Variants in DMRT1 observed in about 807,000 individuals in gnomAD.
DMRT1 encodes doublesex- and mab-3-related transcription factor 1.
Under a neutral mutation model 32.3 loss-of-function variants are expected in DMRT1, and 7 were observed. The observed-to-expected ratio is 0.22, with a 90% CI of 0.12 to 0.41. The LOEUF (loss-of-function observed/expected upper bound fraction) is 0.41, where lower values mean the gene tolerates loss of function less well. Ranked by LOEUF, DMRT1 falls within the 10% of genes least tolerant of loss-of-function variation. The pLI, the probability that DMRT1 is intolerant of heterozygous loss-of-function variation, is 1.00. For synonymous variants in DMRT1, 278 were observed against 206.1 expected (o/e 1.35, Z -2.99); for missense variants, 625 against 500.5 (o/e 1.25, Z -2.37).
chr9:946,262 G>GCCA (rs1487848285), intron 4 of DMRT1, among the ~76,000 whole-genome samples: 53 of 152,040 alleles, frequency 3.5e-4, no homozygotes, highest in African/African-American at 1.3e-3. Flanking sequence ...CCCCAAGACT[G>GCCA]GCTGCACCTG....
rs796845272 is a variant in DMRT1, at chr9:878,207, C to G, written c.539-15705C>G. Among the ~76,000 whole-genome samples, 28 of 125,936 alleles carry G rather than the reference C, an allele frequency of 2.2e-4. 2 individuals carry two copies. The highest frequency in any genetic ancestry group is 7.5e-4 in the African/African-American group (25 of 33,442). The allele number at this position is 125,936 out of a possible 152,430, so 82.6% of individuals were successfully genotyped here. A position where few individuals can be genotyped will look rare whatever the true frequency, so the allele number is the denominator to read the frequency against. On this transcript the variant is annotated intron_variant, in intron 2 of 4. Coordinates refer to ENST00000382276, the MANE Select transcript of DMRT1 (RefSeq NM_021951.3). ...CCTGGAACTGCAGCTGCTGCCCCCC[C>G]CCCACCCAATAAAAATGTCTGCCTG...
At chr9:872,283 G>C (rs1026936732) in intron 2 of DMRT1, among the ~76,000 whole-genome samples, 2 of 151,576 alleles carry the variant, frequency 1.3e-5, no homozygotes, top group African/African-American at 2.4e-5. Flanking sequence ...GGCTGGTCTC[G>C]AACTCCTGAC....
At chr9:906,711 G>C (rs890621763) in intron 3 of DMRT1, among the ~76,000 whole-genome samples, 1 of 152,128 alleles carries the variant, frequency 6.6e-6, no homozygotes, top group Admixed American at 6.5e-5. Context: ...CAAAAAAAAA[G>C]TTTATTTGCT....
Position 959,869 on chromosome 9 carries a change from T to C in DMRT1, c.968-8116T>C, listed in dbSNP as rs112849144. Among the ~76,000 whole-genome samples, 298 of 152,342 alleles carry C rather than the reference T, an allele frequency of 2.0e-3. 1 individual carries two copies. Among genetic ancestry groups the C allele is most frequent in the African/African-American group, 6.5e-3 (270 of 41,578 alleles). ...AGACTTGAGACTGTCTGCCAGTGCATGCATGGGTTAGTCCTGTTTTATGGT... is the reference window on the plus strand; with the variant it reads ...AGACTTGAGACTGTCTGCCAGTGCACGCATGGGTTAGTCCTGTTTTATGGT... On this transcript the variant is annotated intron_variant, in intron 4 of 4. Transcript: ENST00000382276.
intron 3 of DMRT1, among the ~76,000 whole-genome samples, chr9:899,683 G>T (rs540034863): frequency 6.6e-6 from 1 of 152,216 alleles, no homozygotes; most frequent in East Asian, 1.9e-4. Flanking sequence ...GCCTGCAAAA[G>T]CTGTTTATTG....
At chr9:878,059 C>G (rs1409406447) in intron 2 of DMRT1, among the ~76,000 whole-genome samples, 1 of 152,174 alleles carries the variant, frequency 6.6e-6, no homozygotes, top group African/African-American at 2.4e-5. Flanking sequence ...AATAATTATG[C>G]ATGGTAATGG....
intron 2 of DMRT1, among the ~76,000 whole-genome samples, chr9:886,262 G>GT (rs1358518006): frequency 7.9e-5 from 12 of 152,088 alleles, no homozygotes; most frequent in African/African-American, 2.9e-4. Flanking sequence ...TTGTTTGTTT[G>GT]TTTTTTATTT....
chr9:842,305 GCTCA>G (rs945733040), intron 1 of DMRT1, 113 bp downstream of exon 1: 15 of 1,353,230 alleles, frequency 1.1e-5, no homozygotes, highest in Non-Finnish European at 1.5e-5. Context: ...CGCGATCTTG[GCTCA>G]CTGCAACCTC....
intron 2 of DMRT1, among the ~76,000 whole-genome samples, chr9:862,939 G>A (rs551187596): frequency 4.6e-5 from 7 of 152,140 alleles, no homozygotes; most frequent in African/African-American, 1.7e-4. Flanking sequence ...CTTTGCAAAT[G>A]TGATTGAGTC....
intron 2 of DMRT1, among the ~76,000 whole-genome samples, chr9:892,456 G>A (rs563000743): frequency 5.3e-5 from 8 of 152,094 alleles, no homozygotes; most frequent in Non-Finnish European, 1.0e-4. Context: ...CCAGGCTCCT[G>A]CTCTCTGCCT....
In DMRT1 at chr9:931,751, T is replaced by C. The variant is rs114397840; in HGVS notation, c.967+14844T>C. 3.6e-3 allele frequency among the ~76,000 whole-genome samples: 556 copies of C among 152,338 alleles called. 3 individuals are homozygous for C. The highest frequency in any genetic ancestry group is 0.013 in the African/African-American group (532 of 41,580). The stretch of plus-strand genomic sequence containing the variant: ...GACACTAGTCTTAGAGAGTATGACC[T>C]CATTTAACCCCAGTTATCTCCCTAA... On this transcript the variant is annotated intron_variant, in intron 4 of 4. Coordinates refer to ENST00000382276, the MANE Select transcript of DMRT1 (RefSeq NM_021951.3).
At chr9:903,365 AG>A (rs1351958056) in intron 3 of DMRT1, among the ~76,000 whole-genome samples, 1 of 152,074 alleles carries the variant, frequency 6.6e-6, no homozygotes, top group Non-Finnish European at 1.5e-5. Flanking sequence ...ACTTTCACCA[AG>A]GAGTTCCTAT....
chr9:930,726 G>C (rs1176700628), intron 4 of DMRT1, among the ~76,000 whole-genome samples: 2 of 152,092 alleles, frequency 1.3e-5, no homozygotes, highest in Non-Finnish European at 2.9e-5. Context: ...AAAATTTTTT[G>C]TAGGACAGGT....
Position 900,901 on chromosome 9 carries a change from G to A in DMRT1, c.822+6706G>A, listed in dbSNP as rs570585746. Among the ~76,000 whole-genome samples, 28 of 152,020 alleles carry A rather than the reference G, an allele frequency of 1.8e-4. No individual in the cohort carries two copies. In the South Asian group the frequency reaches 2.7e-3, roughly 15 times the overall value. ...GAGATGGGGGTCTCAGTGTGGTGCC[G>A]AGGCTGGTCTTAAACTTTTGGCTCA... is the stretch of plus-strand genomic sequence containing the variant. On this transcript the variant is annotated intron_variant, in intron 3 of 4. Transcript: ENST00000382276.
intron 3 of DMRT1, among the ~76,000 whole-genome samples, chr9:904,415 T>C (rs1337845623): frequency 6.6e-6 from 1 of 152,198 alleles, no homozygotes; most frequent in African/African-American, 2.4e-5. Flanking sequence ...TGAATAAAGA[T>C]GAAAATCAAG....
At chr9:917,404 C>A (rs1385233312) in intron 4 of DMRT1, among the ~76,000 whole-genome samples, 1 of 152,136 alleles carries the variant, frequency 6.6e-6, no homozygotes, top group African/African-American at 2.4e-5. Flanking sequence ...GATATAATGG[C>A]TTTGAAATAA....
chr9:855,010 G>A (rs1815334660), intron 2 of DMRT1, among the ~76,000 whole-genome samples: 1 of 151,026 alleles, frequency 6.6e-6, no homozygotes, highest in South Asian at 2.1e-4. Flanking sequence ...CTCGTGATCC[G>A]CCCGCCTCAG....
At chr9:913,237 C>T (rs1394536520) in intron 3 of DMRT1, among the ~76,000 whole-genome samples, 1 of 152,184 alleles carries the variant, frequency 6.6e-6, no homozygotes, top group African/African-American at 2.4e-5. Context: ...GAAGAACTGG[C>T]TTGAAGATAT....
At chr9:858,105 T>C (rs968965007) in intron 2 of DMRT1, among the ~76,000 whole-genome samples, 1 of 152,162 alleles carries the variant, frequency 6.6e-6, no homozygotes, top group Non-Finnish European at 1.5e-5. Flanking sequence ...ATGTGCCTTT[T>C]AATCTGTGAG....
Sources: gnomAD v4.1 joint callset for allele counts (sites outside exome capture counted in the v4.1 genomes callset) on GRCh38, gnomAD v4.1.1 for gene constraint, MANE v1.5 for transcripts, NCBI Gene and HGNC (gene_info 2026-07-23, HGNC 2026-07-21) for gene names.